COL5A1: variants seen among roughly 807,000 people sequenced by gnomAD.
COL5A1 encodes collagen type V alpha 1 chain.
COL5A1 carries 16 observed loss-of-function variants against 263.7 expected under a neutral mutation model. That is an observed-to-expected ratio of 0.06 (90% confidence interval 0.04 to 0.09). The LOEUF (loss-of-function observed/expected upper bound fraction) is 0.09, where lower values mean the gene tolerates loss of function less well. Ranked by LOEUF, COL5A1 falls within the 10% of genes least tolerant of loss-of-function variation. The pLI is 1.00. For synonymous variants in COL5A1, 1,012 were observed against 1,004.5 expected (o/e 1.01, Z -0.14); for missense variants, 2,036 against 2,540.5 (o/e 0.80, Z 4.27).
At chr9:134,725,787 T>C (rs1238134572) in intron 4 of COL5A1, among the ~76,000 whole-genome samples, 1 of 152,238 alleles carries the variant, frequency 6.6e-6, no homozygotes, top group Non-Finnish European at 1.5e-5. Context: ...CAGTACTTCC[T>C]TCCCTTTTGT....
At chr9:134,719,064 T>C (rs190813518) in intron 4 of COL5A1, among the ~76,000 whole-genome samples, 1 of 152,090 alleles carries the variant, frequency 6.6e-6, no homozygotes, top group East Asian at 1.9e-4. Flanking sequence ...AGCGGGGAAG[T>C]GGGGTGGGCT....
At chr9:134,762,737 T>A (rs1836504179) in intron 19 of COL5A1, among the ~76,000 whole-genome samples, 1 of 152,144 alleles carries the variant, frequency 6.6e-6, no homozygotes, top group South Asian at 2.1e-4. Context: ...CCAGGGGCAT[T>A]TCTGTCTCAC....
In COL5A1 at chr9:134,768,595, C is replaced by T. The variant is rs1277364909; in HGVS notation, c.2286+132C>T. 5.6e-6 allele frequency: 5 copies of T among 886,940 alleles called. No individual in the cohort carries two copies. The African/African-American group carries it at 6.6e-5, about 12-fold the overall frequency. 54.9% of individuals were successfully genotyped at this position (886,940 alleles called of 1,614,324 possible). ...CATTCTGGCTCTGTTGATGAAGACC[C>T]GTTTGGTCTCCAGTTGGACTGCTCG... On this transcript the variant is annotated intron_variant, in intron 25 of 65. Transcript: ENST00000371817.
chr9:134,796,346 C>G (rs760389410), intron 34 of COL5A1, 28 bp from the exon 35 acceptor site: 1 of 1,612,578 alleles, frequency 6.2e-7, no homozygotes, highest in Non-Finnish European at 8.5e-7. Flanking sequence ...CAATCATAAG[C>G]TTTTCCCCCC....
In COL5A1 at chr9:134,818,555, G is replaced by C; in HGVS notation, c.4231-101G>C. On this transcript the variant is annotated intron_variant, in intron 54 of 65. Transcript: ENST00000371817. The surrounding 1 kb of genome is among the most constrained non-coding windows in gnomAD (Gnocchi z 6.0). ...CAACCCCGGATATGGGGTCACCTGG[G>C]ACTCCTCCAGAGGTGCCCAGGGTTT... 3 of 824,972 alleles carry C rather than the reference G, an allele frequency of 3.6e-6. No individual in the cohort carries two copies. In the South Asian group the frequency reaches 4.4e-5, roughly 12 times the overall value. 51.1% of individuals were successfully genotyped at this position (824,972 alleles called of 1,614,324 possible). A position where few individuals can be genotyped will look rare whatever the true frequency, so the allele number is the denominator to read the frequency against.
intron 1 of COL5A1, among the ~76,000 whole-genome samples, chr9:134,687,834 G>C (rs1228949214): frequency 6.6e-6 from 1 of 152,310 alleles, no homozygotes; most frequent in South Asian, 2.1e-4. Context: ...GGAAGTGCAC[G>C]GGCCAGTGTG....
intron 16 of COL5A1, 131 bp from the exon 17 acceptor site, chr9:134,756,634 T>A: frequency 1.0e-6 from 1 of 1,004,072 alleles, no homozygotes; most frequent in Non-Finnish European, 1.6e-6. Context: ...GCCCGGCCAC[T>A]CGGGCTGTGA....
Position 134,754,153 on chromosome 9 carries a change from CAT to C in COL5A1, c.1774-119_1774-118del, listed in dbSNP as rs1049287742. ...CCGTGTCCCGTCCCCGAAGTGCCCA[CAT>C]GTTTGTGGCTTGGACAGCCAGGCAT... On this transcript the variant is annotated intron_variant, in intron 15 of 65. Coordinates refer to ENST00000371817, the MANE Select transcript of COL5A1 (RefSeq NM_000093.5). The surrounding 1 kb of genome is among the most constrained non-coding windows in gnomAD (Gnocchi z 4.3). 9.1e-6 allele frequency: 10 copies of C among 1,099,760 alleles called. No individual in the cohort carries two copies. Among genetic ancestry groups the C allele is most frequent in the East Asian group, 4.8e-5 (2 of 41,504 alleles). 68.1% of individuals were successfully genotyped at this position (1,099,760 alleles called of 1,614,324 possible). A position where few individuals can be genotyped will look rare whatever the true frequency, so the allele number is the denominator to read the frequency against.
At chr9:134,769,934 T>C (rs1836817828) in intron 25 of COL5A1, among the ~76,000 whole-genome samples, 1 of 152,164 alleles carries the variant, frequency 6.6e-6, no homozygotes, top group Non-Finnish European at 1.5e-5. Flanking sequence ...GGAATTCCCC[T>C]CCCCATGTTG....
chr9:134,655,461 C>G (rs1440849756), intron 1 of COL5A1, among the ~76,000 whole-genome samples: 1 of 152,052 alleles, frequency 6.6e-6, no homozygotes, highest in Admixed American at 6.6e-5. Flanking sequence ...GCTGCTAAGG[C>G]AGTTCGTAGC....
Position 134,700,768 on chromosome 9 carries a change from T to A in COL5A1, c.492-403T>A, listed in dbSNP as rs1357907098. On this transcript the variant is annotated intron_variant, in intron 3 of 65. Coordinates refer to ENST00000371817, the MANE Select transcript of COL5A1 (RefSeq NM_000093.5). This position sits in a 1 kb window ranked among gnomAD's most constrained non-coding sequence, Gnocchi z 4.0. ...AGAGGGCACGTGACAAGTGCTCGCA[T>A]GCACACAGCAAAATACAACGGCCGC... 6.6e-6 allele frequency among the ~76,000 whole-genome samples: 1 copy of A among 152,232 alleles called. No homozygotes were observed. Among genetic ancestry groups the A allele is most frequent in the African/African-American group, 2.4e-5 (1 of 41,456 alleles).
At position 134,731,551 on chromosome 9, in the gene COL5A1, A is replaced by G; in HGVS notation, c.1220A>G (p.Glu407Gly). ...GACTTGGAGGGGGAGTTCACTGAGG[A>G]AACGATCCGGAACCTTGACGAGAAC... The part of the protein sequence containing the change: ...ADDLEGEFTE[E>G]TIRNLDENYY... The change falls in exon 8 of 66, where the codon GAA (glutamate) becomes GGA (glycine). Residue 407 changes from glutamate to glycine, a missense_variant. By Grantham distance (98) the Glu-to-Gly change is moderately conservative. This residue lies in a region of COL5A1 where 600 missense variants were observed against 634.5 expected (regional missense o/e 0.95). Coordinates refer to ENST00000371817, the MANE Select transcript of COL5A1 (RefSeq NM_000093.5). 3 of 1,614,208 alleles carry G rather than the reference A, an allele frequency of 1.9e-6. No homozygotes were observed. Among genetic ancestry groups the G allele is most frequent in the Non-Finnish European group, 2.5e-6 (3 of 1,180,018 alleles).
At chr9:134,807,523 C>T (rs1838337706) in intron 42 of COL5A1, among the ~76,000 whole-genome samples, 1 of 152,190 alleles carries the variant, frequency 6.6e-6, no homozygotes, top group Admixed American at 6.5e-5. Flanking sequence ...GAACTCCTGA[C>T]CTCAAGTGAT....
chr9:134,836,888 GGTCA>G (rs1239991101), intron 65 of COL5A1, among the ~76,000 whole-genome samples: 2 of 152,222 alleles, frequency 1.3e-5, no homozygotes, highest in African/African-American at 4.8e-5. Flanking sequence ...GATTGGTTGG[GGTCA>G]GTACTTCGGA....
At position 134,795,944 on chromosome 9, in the gene COL5A1, C is replaced by T. The variant is rs1251385491; in HGVS notation, c.2800-430C>T. ...CACCCACAGGCCACCCTGAACTCCT[C>T]CAGGACAAGCTCTGGGGCACTTCTC... On this transcript the variant is annotated intron_variant, in intron 34 of 65. Transcript: ENST00000371817. 2.0e-5 allele frequency among the ~76,000 whole-genome samples: 3 copies of T among 152,368 alleles called. No homozygotes were observed. The East Asian group carries it at 5.8e-4, about 29-fold the overall frequency.
intron 18 of COL5A1, among the ~76,000 whole-genome samples, chr9:134,760,162 C>T (rs1051417429): frequency 1.5e-5 from 2 of 135,230 alleles, no homozygotes; most frequent in Non-Finnish European, 3.2e-5. Flanking sequence ...CACATGCACA[C>T]ACATACATGC....
chr9:134,775,504 C>G (rs1837021580), intron 27 of COL5A1, among the ~76,000 whole-genome samples: 1 of 152,230 alleles, frequency 6.6e-6, no homozygotes, highest in Non-Finnish European at 1.5e-5. Flanking sequence ...GGGCGCACAG[C>G]TCCAGAGCAA....
chr9:134,758,809 G>A lies in COL5A1; in HGVS notation c.1935+513G>A, dbSNP rs550827221. Among the ~76,000 whole-genome samples the A allele has an allele frequency of 1.1e-4, 17 of 152,278 alleles. No individual in the cohort carries two copies. Among genetic ancestry groups the A allele is most frequent in the African/African-American group, 2.2e-4 (9 of 41,546 alleles). On this transcript the variant is annotated intron_variant, in intron 18 of 65. Transcript: ENST00000371817. The surrounding 1 kb of genome is among the most constrained non-coding windows in gnomAD (Gnocchi z 4.1). ...GTGGATGAATTTGAAAGTGTGTCCC[G>A]TGAGTCCCGAGCTAGTGCGGTGACC... is the stretch of plus-strand genomic sequence containing the variant.
chr9:134,809,344 G>T (rs1013963623), intron 43 of COL5A1, 54 bp downstream of exon 43: 16 of 1,364,350 alleles, frequency 1.2e-5, no homozygotes, highest in East Asian at 2.4e-5. Context: ...AGACGGGTGT[G>T]GGGGAGGGTG....
Sources: gnomAD v4.1 joint callset for allele counts (sites outside exome capture counted in the v4.1 genomes callset) on GRCh38, gnomAD v4.1.1 for gene constraint, gnomAD v4.1.1 regional missense constraint, Gnocchi (gnomAD v3.1) non-coding constraint, MANE v1.5 for transcripts, NCBI Gene and HGNC (gene_info 2026-07-23, HGNC 2026-07-21) for gene names.